ANO2: variants seen among roughly 807,000 people sequenced by gnomAD.
The protein encoded by ANO2 is anoctamin-2.
A neutral mutation model predicts 124.2 loss-of-function variants in ANO2; 101 were observed. The observed-to-expected ratio is 0.81, with a 90% CI of 0.69 to 0.96. ANO2 has a LOEUF of 0.96. Ranked by LOEUF, ANO2 falls within the 40% of genes least tolerant of loss-of-function variation. ANO2 has a pLI of 0.00. For missense variants in ANO2, 1,293 were observed against 1,274.5 expected, an observed-to-expected ratio of 1.01 and a Z score of -0.22; for synonymous variants, 486 against 482.5, an observed-to-expected ratio of 1.01 and a Z score of -0.09.
rs764719117 is a variant in ANO2 at position 5,832,558 on chromosome 12, C to T, written c.679G>A (p.Ala227Thr). The T allele has an allele frequency of 2.9e-5, 46 of 1,613,872 alleles. No homozygotes were observed. The highest frequency in any genetic ancestry group is 1.6e-4 in the Middle Eastern group (1 of 6,062). The change falls in exon 5 of 25, where the codon GCG (alanine) becomes ACG (threonine). Residue 227 changes from alanine (A) to threonine (T), a missense_variant. By Grantham distance (58) the Ala-to-Thr change is moderately conservative. Transcript: ENST00000682330. ...TGCGAGCTCAGCTTCTGCAGAGCCGCGCTGAACTTCTTTGCAATGCTGCCT... is the reference window on the plus strand; with the variant it reads ...TGCGAGCTCAGCTTCTGCAGAGCCGTGCTGAACTTCTTTGCAATGCTGCCT... ...AGGSIAKKFS[A>T]ALQKLSSHLQ...
intron 3 of ANO2, among the ~76,000 whole-genome samples, chr12:5,887,405 C>G (rs1046233790): frequency 2.6e-5 from 4 of 152,174 alleles, no homozygotes; most frequent in Non-Finnish European, 5.9e-5. Context: ...AGAAGGGCCC[C>G]TGAGCCCAGC....
At chr12:5,804,216 T>C (rs958823862) in intron 9 of ANO2, among the ~76,000 whole-genome samples, 6 of 152,162 alleles carry the variant, frequency 3.9e-5, no homozygotes, top group Non-Finnish European at 7.4e-5. Flanking sequence ...TCTTTCTCCT[T>C]CAGGATATGT....
At chr12:5,775,452 C>A (rs1477149886) in intron 10 of ANO2, among the ~76,000 whole-genome samples, 1 of 150,956 alleles carries the variant, frequency 6.6e-6, no homozygotes, top group Non-Finnish European at 1.5e-5. Flanking sequence ...CTCCTGAGCA[C>A]CATCAATCCT....
intron 13 of ANO2, 193 bp from the exon 14 acceptor site, chr12:5,732,823 G>T: frequency 6.2e-7 from 1 of 1,612,958 alleles, no homozygotes; most frequent in Non-Finnish European, 8.5e-7. Context: ...GTGAGGAAGA[G>T]ACAAGGGACA....
chr12:5,655,274 G>A (rs926242084), intron 14 of ANO2, among the ~76,000 whole-genome samples: 2 of 152,126 alleles, frequency 1.3e-5, no homozygotes, highest in East Asian at 3.9e-4. Context: ...TTGACTGCCA[G>A]TCTTTCCGCC....
At position 5,871,918 on chromosome 12, in the gene ANO2, G is replaced by A. The variant is rs116454189; in HGVS notation, c.535-17777C>T. 3.9e-3 allele frequency among the ~76,000 whole-genome samples: 587 copies of A among 152,314 alleles called. 3 individuals carry two copies. Among genetic ancestry groups the A allele is most frequent in the African/African-American group, 0.013 (539 of 41,560 alleles). On this transcript the variant is annotated intron_variant, in intron 3 of 24. Transcript: ENST00000682330. ...TGGAAAGTCCAGCTTGTCCTACTCA[G>A]AATCTTTCACAGGCCTTCCCACAGC...
At chr12:5,620,540 T>A (rs1159524646) in intron 16 of ANO2, among the ~76,000 whole-genome samples, 1 of 152,160 alleles carries the variant, frequency 6.6e-6, no homozygotes, top group African/African-American at 2.4e-5. Context: ...GGGGCTAAAT[T>A]GGAATTCTAT....
At chr12:5,724,492 C>T (rs954167814) in intron 14 of ANO2, among the ~76,000 whole-genome samples, 24 of 152,196 alleles carry the variant, frequency 1.6e-4, no homozygotes, top group Non-Finnish European at 2.1e-4. Flanking sequence ...TCTCCACCCA[C>T]GCGCATGCTC....
chr12:5,871,588 G>A (rs1228019931), intron 3 of ANO2, among the ~76,000 whole-genome samples: 1 of 152,142 alleles, frequency 6.6e-6, no homozygotes, highest in Non-Finnish European at 1.5e-5. Context: ...ATTGTGATCT[G>A]TGCACGCAAG....
At chr12:5,733,134 A>C in intron 13 of ANO2, 1 of 563,208 alleles carries the variant, frequency 1.8e-6, no homozygotes, top group African/African-American at 1.9e-5. Context: ...CTGAGCTAAA[A>C]TGGCGACCAA....
At chr12:5,593,691 G>C (rs942720140) in intron 20 of ANO2, among the ~76,000 whole-genome samples, 2 of 152,176 alleles carry the variant, frequency 1.3e-5, no homozygotes, top group African/African-American at 4.8e-5. Context: ...ACATGTGGAA[G>C]CACTCTACAT....
chr12:5,919,609 C>A (rs1306530433), intron 3 of ANO2, among the ~76,000 whole-genome samples: 1 of 152,200 alleles, frequency 6.6e-6, no homozygotes, highest in African/African-American at 2.4e-5. Context: ...GGTGATCAGC[C>A]CACACCCAAG....
chr12:5,861,939 G>C (rs1338835683), intron 3 of ANO2, among the ~76,000 whole-genome samples: 1 of 152,190 alleles, frequency 6.6e-6, no homozygotes, highest in Non-Finnish European at 1.5e-5. Flanking sequence ...TTTGAAATAA[G>C]AGCAGGAATT....
At chr12:5,661,421 A>T (rs957075319) in intron 14 of ANO2, among the ~76,000 whole-genome samples, 14 of 152,228 alleles carry the variant, frequency 9.2e-5, no homozygotes, top group African/African-American at 3.4e-4. Flanking sequence ...TAAACATGGA[A>T]GGGAATCAGA....
rs992235543 is a variant in ANO2, at chr12:5,635,711, A to G, written c.1621-364T>C. 5.3e-5 allele frequency among the ~76,000 whole-genome samples: 8 copies of G among 152,072 alleles called. No individual in the cohort carries two copies. Among genetic ancestry groups the G allele is most frequent in the African/African-American group, 1.9e-4 (8 of 41,394 alleles). ...TTCATTAGGGAGCTTTTGATCTTCT[A>G]AAGAGATAACATGAACTCCTTTTAA... On this transcript the variant is annotated intron_variant, in intron 15 of 24. Coordinates refer to ENST00000682330, the MANE Select transcript of ANO2 (RefSeq NM_001364791.2). The surrounding 1 kb of genome is among the most constrained non-coding windows in gnomAD (Gnocchi z 5.2).
intron 7 of ANO2, among the ~76,000 whole-genome samples, chr12:5,812,298 GA>G (rs1953416124): frequency 1.1e-5 from 1 of 88,984 alleles, no homozygotes. Context: ...GCAGGGGAAA[GA>G]AAGAAGAGGA....
At chr12:5,611,391 C>T (rs1007795349) in intron 19 of ANO2, among the ~76,000 whole-genome samples, 4 of 146,272 alleles carry the variant, frequency 2.7e-5, no homozygotes, top group Non-Finnish European at 4.7e-5. Context: ...GTCTCCCAGA[C>T]TAAAAAGTTA....
intron 16 of ANO2, among the ~76,000 whole-genome samples, chr12:5,632,146 G>A (rs767458879): frequency 2.4e-4 from 37 of 152,112 alleles, no homozygotes; most frequent in Non-Finnish European, 4.6e-4. Flanking sequence ...AGAGCTCAAA[G>A]CTTCTTTCCA....
intron 11 of ANO2, among the ~76,000 whole-genome samples, chr12:5,745,815 T>A (rs758608579): frequency 1.3e-5 from 2 of 152,180 alleles, no homozygotes; most frequent in Admixed American, 6.5e-5. Flanking sequence ...AATAGTCATA[T>A]CTTAATAATA....
Sources: gnomAD v4.1 joint callset for allele counts (sites outside exome capture counted in the v4.1 genomes callset) on GRCh38, gnomAD v4.1.1 for gene constraint, Gnocchi (gnomAD v3.1) non-coding constraint, MANE v1.5 for transcripts, NCBI Gene and HGNC (gene_info 2026-07-23, HGNC 2026-07-21) for gene names.